The following PRKN variants were observed in gnomAD, a reference collection of about 807,000 sequenced individuals.
PRKN encodes E3 ubiquitin-protein ligase parkin.
PRKN carries 56 observed loss-of-function variants against 59.5 expected under a neutral mutation model. The observed-to-expected ratio is 0.94, with a 90% CI of 0.76 to 1.18. The LOEUF is 1.18. PRKN is among the 50% of genes most tolerant of loss of function. PRKN has a pLI of 0.00. For missense variants in PRKN, 657 were observed against 596.4 expected (o/e 1.10, Z -1.06); for synonymous variants, 250 against 222.1 (o/e 1.13, Z -1.12).
chr6:162,679,808 G>A (rs1779700250), intron 1 of PRKN, among the ~76,000 whole-genome samples: 1 of 152,026 alleles, frequency 6.6e-6, no homozygotes, highest in Non-Finnish European at 1.5e-5. Context: ...TGCTCCCTGG[G>A]TGCCCTCTCT....
intron 1 of PRKN, among the ~76,000 whole-genome samples, chr6:162,701,560 G>A (rs1778152389): frequency 6.6e-6 from 1 of 151,628 alleles, no homozygotes; most frequent in African/African-American, 2.4e-5. Context: ...CATTTTAAAT[G>A]TGATTAAAAA....
intron 2 of PRKN, among the ~76,000 whole-genome samples, chr6:162,383,327 A>G (rs1320951931): frequency 6.6e-6 from 1 of 152,212 alleles, no homozygotes; most frequent in East Asian, 1.9e-4. Flanking sequence ...TTCATGGGCT[A>G]CAGAATGACC....
chr6:162,413,443 GAA>G (rs1427697436), intron 2 of PRKN, among the ~76,000 whole-genome samples: 3 of 152,096 alleles, frequency 2.0e-5, no homozygotes, highest in Non-Finnish European at 4.4e-5. Context: ...GAAGAAAATA[GAA>G]AAAAGTTAAT....
intron 4 of PRKN, among the ~76,000 whole-genome samples, chr6:162,131,286 T>G (rs1781342704): frequency 6.6e-6 from 1 of 152,224 alleles, no homozygotes; most frequent in South Asian, 2.1e-4. Context: ...GAGAAACTTT[T>G]CACAGGGCAA....
At chr6:162,368,568 G>A (rs1255991959) in intron 2 of PRKN, among the ~76,000 whole-genome samples, 1 of 152,136 alleles carries the variant, frequency 6.6e-6, no homozygotes, top group African/African-American at 2.4e-5. Context: ...AAAGGTACCA[G>A]CAGCACAGAA....
chr6:161,872,878 G>C (rs949200995), intron 6 of PRKN, among the ~76,000 whole-genome samples: 1 of 151,396 alleles, frequency 6.6e-6, no homozygotes, highest in Non-Finnish European at 1.5e-5. Context: ...CACAAATAGA[G>C]TTATTCTCCT....
intron 6 of PRKN, among the ~76,000 whole-genome samples, chr6:161,844,695 C>A (rs1216175302): frequency 1.3e-5 from 2 of 152,366 alleles, no homozygotes; most frequent in East Asian, 3.9e-4. Context: ...TTCCCCGATT[C>A]TTGTTCACAA....
intron 2 of PRKN, among the ~76,000 whole-genome samples, chr6:162,424,813 G>T (rs1276468940): frequency 1.3e-5 from 2 of 152,094 alleles, no homozygotes; most frequent in Admixed American, 1.3e-4. Flanking sequence ...TGGGGAGGTT[G>T]TGTGTAAGTA....
intron 9 of PRKN, among the ~76,000 whole-genome samples, chr6:161,436,898 C>A (rs1246354380): frequency 6.6e-6 from 1 of 152,056 alleles, no homozygotes; most frequent in African/African-American, 2.4e-5. Context: ...CTCTGCAGCT[C>A]TGTCTCACTA....
At chr6:162,454,597 T>C (rs1036160668) in intron 1 of PRKN, among the ~76,000 whole-genome samples, 1 of 152,198 alleles carries the variant, frequency 6.6e-6, no homozygotes, top group African/African-American at 2.4e-5. Flanking sequence ...TGTCAGTGGC[T>C]TTCACACTGG....
intron 2 of PRKN, among the ~76,000 whole-genome samples, chr6:162,343,826 T>C (rs1182552124): frequency 2.0e-5 from 3 of 152,204 alleles, no homozygotes; most frequent in East Asian, 3.8e-4. Context: ...TGATTTCTAA[T>C]GTTGCAAGAT....
chr6:162,447,218 C>G (rs1453901984), intron 1 of PRKN, among the ~76,000 whole-genome samples: 2 of 152,026 alleles, frequency 1.3e-5, no homozygotes, highest in African/African-American at 4.8e-5. Context: ...AAAGCAGTGT[C>G]CTTTGCTTGC....
chr6:162,107,182 AGGC>A (rs1562517485), intron 4 of PRKN, among the ~76,000 whole-genome samples: 2 of 152,158 alleles, frequency 1.3e-5, no homozygotes, highest in Non-Finnish European at 2.9e-5. Context: ...AAAAGGTTGA[AGGC>A]CGGGCTCAAT....
intron 11 of PRKN, among the ~76,000 whole-genome samples, chr6:161,351,842 T>C (rs1380008891): frequency 1.3e-5 from 2 of 152,180 alleles, no homozygotes; most frequent in African/African-American, 4.8e-5. Context: ...CTCACCAAGG[T>C]CTGTGTGATT....
At chr6:162,727,274 A>T in intron 1 of PRKN, 1 of 204,104 alleles carries the variant, frequency 4.9e-6, no homozygotes, top group Non-Finnish European at 9.3e-6. Context: ...ACAACCGGCC[A>T]GTGAGGTGAG....
chr6:162,033,404 C>T (rs1783714312), intron 5 of PRKN, among the ~76,000 whole-genome samples: 2 of 152,266 alleles, frequency 1.3e-5, no homozygotes, highest in South Asian at 2.1e-4. Flanking sequence ...GAATGCACAC[C>T]ATTGGTCAAC....
intron 1 of PRKN, among the ~76,000 whole-genome samples, chr6:162,486,204 T>G (rs2128183602): frequency 6.6e-6 from 1 of 152,332 alleles, no homozygotes; most frequent in African/African-American, 2.4e-5. Context: ...AAAGCTGCAT[T>G]ACTACTCATA....
intron 5 of PRKN, among the ~76,000 whole-genome samples, chr6:162,037,203 C>CT (rs1783880961): frequency 6.6e-6 from 1 of 152,096 alleles, no homozygotes; most frequent in Admixed American, 6.5e-5. Flanking sequence ...AGAGATGTGT[C>CT]TAAGGAAGAT....
At chr6:162,390,394 T>TACACACAC (rs1272491393) in intron 2 of PRKN, among the ~76,000 whole-genome samples, 1 of 120,754 alleles carries the variant, frequency 8.3e-6, no homozygotes, top group African/African-American at 3.8e-5. Flanking sequence ...TATATATATA[T>TACACACAC]ATACACACAC....
Sources: gnomAD v4.1 joint callset for allele counts (sites outside exome capture counted in the v4.1 genomes callset) on GRCh38, gnomAD v4.1.1 for gene constraint, MANE v1.5 for transcripts, NCBI Gene and HGNC (gene_info 2026-07-23, HGNC 2026-07-21) for gene names.